The following LY96 variants were observed in gnomAD, a reference collection of about 807,000 sequenced individuals.
LY96 encodes the protein myeloid differentiation protein-2.
LY96 carries 18 observed loss-of-function variants against 18.9 expected under a neutral mutation model. The observed-to-expected ratio is 0.95, with a 90% CI of 0.66 to 1.41. The LOEUF (loss-of-function observed/expected upper bound fraction) is 1.41, where lower values mean the gene tolerates loss of function less well. LY96 is among the 40% of genes most tolerant of loss of function. LY96 has a pLI of 0.00. For missense variants in LY96, 175 were observed against 182.4 expected (o/e 0.96, Z 0.23); for synonymous variants, 66 against 62.6 (o/e 1.06, Z -0.26).
intron 2 of LY96, among the ~76,000 whole-genome samples, chr8:74,008,281 T>C (rs1458122363): frequency 1.3e-5 from 2 of 152,182 alleles, no homozygotes; most frequent in Non-Finnish European, 2.9e-5. Context: ...CACGAAGAAA[T>C]GGAAGAAGGT....
chr8:74,009,401 A>G (rs1318908717), intron 2 of LY96, among the ~76,000 whole-genome samples: 3 of 134,530 alleles, frequency 2.2e-5, no homozygotes, highest in Non-Finnish European at 4.6e-5. Context: ...AAAAAAAAAG[A>G]AGAAAAGAAA....
chr8:73,996,157 C>A (rs1208266886), intron 1 of LY96, among the ~76,000 whole-genome samples: 1 of 152,164 alleles, frequency 6.6e-6, no homozygotes, highest in Non-Finnish European at 1.5e-5. Context: ...CAGAGCAAGA[C>A]TGAACCTAGC....
At chr8:74,002,093 T>TTCTTTCTTTCTTTCTTTCTTTCTTTC (rs1563710943) in intron 1 of LY96, among the ~76,000 whole-genome samples, 3 of 38,724 alleles carry the variant, frequency 7.7e-5, no homozygotes, top group Non-Finnish European at 8.4e-5. Flanking sequence ...CTTTCTTTCT[T>TTCTTTCTTTCTTTCTTTCTTTCTTTC]TCTCTCTCTC....
the LY96 span, among the ~76,000 whole-genome samples, chr8:74,075,443 A>AT: frequency 1.8e-4 from 27 of 151,846 alleles, no homozygotes; most frequent in South Asian, 4.2e-4. Context: ...GTTTTTAAAT[A>AT]TTTTTTTTGT....
the LY96 span, among the ~76,000 whole-genome samples, chr8:74,080,978 TTC>T: frequency 3.5e-4 from 50 of 141,300 alleles, no homozygotes; most frequent in South Asian, 6.8e-4. Context: ...CTTTCTTTCT[TTC>T]TCTCTCTTTC....
intron 3 of LY96, among the ~76,000 whole-genome samples, chr8:74,019,483 C>G (rs1351981614): frequency 6.6e-6 from 1 of 152,132 alleles, no homozygotes; most frequent in Admixed American, 6.5e-5. Context: ...CCAAATTCTA[C>G]CAGAGGTACA....
At chr8:74,041,031 G>A in the LY96 span, among the ~76,000 whole-genome samples, 1 of 152,104 alleles carries the variant, frequency 6.6e-6, no homozygotes, top group Non-Finnish European at 1.5e-5. Flanking sequence ...AGTGTTGCGG[G>A]AAGTCAGGGA....
chr8:74,072,077 A>C, the LY96 span, among the ~76,000 whole-genome samples: 1 of 152,176 alleles, frequency 6.6e-6, no homozygotes, highest in Admixed American at 6.5e-5. Flanking sequence ...TGGATGTTCA[A>C]TTTTGCAAGA....
chr8:74,084,033 T>G, the LY96 span, among the ~76,000 whole-genome samples: 2 of 152,108 alleles, frequency 1.3e-5, no homozygotes, highest in African/African-American at 2.4e-5. Context: ...TTTTTTTTTT[T>G]TTGTTTCGTT....
chr8:74,022,585 T>TTC (rs1305777369), intron 3 of LY96, among the ~76,000 whole-genome samples: 3 of 149,544 alleles, frequency 2.0e-5, no homozygotes, highest in African/African-American at 7.3e-5. Context: ...TTTTTTCTTT[T>TTC]TTTTTTTTTT....
At chr8:74,098,340 AATTAAAAAAAATCTCAC>A in the LY96 span, among the ~76,000 whole-genome samples, 1 of 152,074 alleles carries the variant, frequency 6.6e-6, no homozygotes, top group Non-Finnish European at 1.5e-5. Context: ...GAATTGTCCG[AATTAAAAAAAATCTCAC>A]AGGTTCATCT....
the LY96 span, among the ~76,000 whole-genome samples, chr8:74,087,122 A>G: frequency 1.3e-5 from 2 of 152,220 alleles, no homozygotes; most frequent in East Asian, 3.8e-4. Flanking sequence ...ATAGCTCCTG[A>G]AATCCTACAA....
the LY96 span, among the ~76,000 whole-genome samples, chr8:74,081,182 CCCTT>C: frequency 1.3e-4 from 17 of 126,198 alleles, no homozygotes; most frequent in Admixed American, 4.5e-4. Context: ...TCTTTCTTTT[CCCTT>C]CCTTCCTTCC....
chr8:74,081,030 CTTTCTTTCTTTCTTTCTT>C, the LY96 span, among the ~76,000 whole-genome samples: 720 of 122,160 alleles, frequency 5.9e-3, 4 homozygotes, highest in African/African-American at 7.9e-3. Context: ...TTCTTTCTTT[CTTTCTTTCTTTCTTTCTT>C]TTTCTTTCTT....
chr8:74,088,294 C>T, the LY96 span, among the ~76,000 whole-genome samples: 3 of 152,296 alleles, frequency 2.0e-5, no homozygotes, highest in East Asian at 5.8e-4. Flanking sequence ...CTTGCAGGGG[C>T]CAGCAGAGGG....
the LY96 span, among the ~76,000 whole-genome samples, chr8:74,072,440 T>A: frequency 1.1e-4 from 16 of 152,214 alleles, no homozygotes; most frequent in Non-Finnish European, 2.2e-4. Context: ...TGCATTATAA[T>A]CTAACATATG....
intron 3 of LY96, among the ~76,000 whole-genome samples, chr8:74,021,693 G>A (rs930239003): frequency 2.0e-5 from 3 of 152,088 alleles, no homozygotes; most frequent in Middle Eastern, 3.2e-3. Flanking sequence ...AATGATAGAC[G>A]GGATTAAGAA....
At chr8:74,094,860 T>A in the LY96 span, among the ~76,000 whole-genome samples, 3 of 152,216 alleles carry the variant, frequency 2.0e-5, no homozygotes, top group Non-Finnish European at 4.4e-5. Context: ...TTTAAGTATA[T>A]CATCTCTTAT....
chr8:74,093,069 C>T, the LY96 span, among the ~76,000 whole-genome samples: 2 of 152,206 alleles, frequency 1.3e-5, no homozygotes, highest in Non-Finnish European at 2.9e-5. Context: ...TACTCTCCTC[C>T]TTGCTCTCTA....
Sources: gnomAD v4.1 joint callset for allele counts (sites outside exome capture counted in the v4.1 genomes callset) on GRCh38, gnomAD v4.1.1 for gene constraint, MANE v1.5 for transcripts, NCBI Gene and HGNC (gene_info 2026-07-23, HGNC 2026-07-21) for gene names.